LRP1B: variants seen among roughly 807,000 people sequenced by gnomAD.
The protein encoded by LRP1B is low-density lipoprotein receptor-related protein 1B.
Under a neutral mutation model 556.6 loss-of-function variants are expected in LRP1B, and 217 were observed. That is an observed-to-expected ratio of 0.39 (90% CI 0.35 to 0.44). The LOEUF (loss-of-function observed/expected upper bound fraction) is 0.44, where lower values mean the gene tolerates loss of function less well. LRP1B is among the 20% of genes least tolerant of loss of function. The pLI is 1.00. For missense variants in LRP1B, 5,053 were observed against 5,620.8 expected (o/e 0.90, Z 3.23); for synonymous variants, 2,047 against 1,865.8 (o/e 1.10, Z -2.50).
chr2:140,373,826 G>T (rs1683102118), intron 68 of LRP1B, among the ~76,000 whole-genome samples: 1 of 152,142 alleles, frequency 6.6e-6, no homozygotes, highest in Admixed American at 6.5e-5. Context: ...ACTACATCCA[G>T]TTTATTGGCT....
At chr2:141,111,052 C>T (rs1302027354) in intron 7 of LRP1B, among the ~76,000 whole-genome samples, 1 of 152,144 alleles carries the variant, frequency 6.6e-6, no homozygotes, top group Admixed American at 6.5e-5. Context: ...CAGCCAGTCA[C>T]CCCATGAAAT....
chr2:140,256,449 C>CTTTTTTTTTT (rs764826231), intron 86 of LRP1B, among the ~76,000 whole-genome samples: 2 of 25,292 alleles, frequency 7.9e-5, no homozygotes, highest in African/African-American at 1.3e-4. Flanking sequence ...TTTTTCCTTC[C>CTTTTTTTTTT]TTTTTTTTTT....
intron 3 of LRP1B, among the ~76,000 whole-genome samples, chr2:141,279,951 C>T (rs569307891): frequency 6.6e-6 from 1 of 152,048 alleles, no homozygotes; most frequent in Non-Finnish European, 1.5e-5. Flanking sequence ...TTTGTGGATG[C>T]AAACTTATAG....
chr2:141,368,620 A>G (rs1440140550), intron 3 of LRP1B, among the ~76,000 whole-genome samples: 1 of 152,178 alleles, frequency 6.6e-6, no homozygotes, highest in Non-Finnish European at 1.5e-5. Context: ...CTTTTATTCT[A>G]ATTTGTTTTG....
At chr2:141,339,981 T>C (rs1314026863) in intron 3 of LRP1B, among the ~76,000 whole-genome samples, 2 of 152,130 alleles carry the variant, frequency 1.3e-5, no homozygotes, top group Non-Finnish European at 2.9e-5. Context: ...TTCTCCTCTA[T>C]ATGTCTATGT....
intron 89 of LRP1B, among the ~76,000 whole-genome samples, chr2:140,235,315 A>G (rs1252348500): frequency 6.6e-6 from 1 of 151,214 alleles, no homozygotes; most frequent in African/African-American, 2.4e-5. Flanking sequence ...TGAACTAGAA[A>G]TTTTACCCTC....
At chr2:140,670,853 T>C (rs1375960993) in intron 41 of LRP1B, among the ~76,000 whole-genome samples, 1 of 152,148 alleles carries the variant, frequency 6.6e-6, no homozygotes, top group African/African-American at 2.4e-5. Flanking sequence ...CAATAAATAA[T>C]GCATGAGGTC....
chr2:141,021,950 T>TA (rs1198884003), intron 11 of LRP1B, among the ~76,000 whole-genome samples: 2 of 151,908 alleles, frequency 1.3e-5, no homozygotes, highest in Non-Finnish European at 2.9e-5. Flanking sequence ...TTATCAGGAT[T>TA]AAAAAATATT....
intron 7 of LRP1B, among the ~76,000 whole-genome samples, chr2:141,122,826 A>G (rs1343237262): frequency 6.6e-6 from 1 of 152,186 alleles, no homozygotes; most frequent in Non-Finnish European, 1.5e-5. Flanking sequence ...CACTATTCAC[A>G]ATAGCAAAGA....
At chr2:141,153,217 A>ATATATATATTATATATATAATT (rs1558896186) in intron 7 of LRP1B, among the ~76,000 whole-genome samples, 10 of 136,750 alleles carry the variant, frequency 7.3e-5, no homozygotes, top group Non-Finnish European at 6.1e-5. Context: ...TAGAAGGCAC[A>ATATATATATTATATATATAATT]TATATATATT....
In LRP1B at chr2:140,601,501, G is replaced by C. The variant is rs2105198425; in HGVS notation, c.6938C>G (p.Thr2313Ser). The change falls in exon 42 of 91, where the codon ACC becomes AGC. Residue 2313 changes from threonine (T) to serine (S), a missense_variant. By Grantham distance (58) the Thr-to-Ser change is moderately conservative. Transcript: ENST00000389484. ...PGAFDREAVI[T>S]MSEDDHPHVL... ...ATGTGGATGGTCATCTTCTGACATG[G>C]TGATGACAGCTTCCCTGTCAAATGC... The C allele has an allele frequency of 6.2e-7, 1 of 1,613,024 alleles. No individual in the cohort carries two copies. The highest frequency in any genetic ancestry group is 8.5e-7 in the Non-Finnish European group (1 of 1,179,352).
chr2:141,102,938 T>C lies in LRP1B; in HGVS notation c.1014-40665A>G, dbSNP rs1233607787. Reference sequence around the variant, plus strand: ...CAGCACCAATTGTGAATGCCAGCTATATTCTGATCCATTTCTGTTAATAAC... The same window carrying C: ...CAGCACCAATTGTGAATGCCAGCTACATTCTGATCCATTTCTGTTAATAAC... On this transcript the variant is annotated intron_variant, in intron 7 of 90. Coordinates refer to ENST00000389484, the MANE Select transcript of LRP1B (RefSeq NM_018557.3). Among the ~76,000 whole-genome samples the C allele has an allele frequency of 2.0e-5, 3 of 152,122 alleles. 1 individual carries two copies. In the East Asian group the frequency reaches 5.8e-4, roughly 29 times the overall value.
At chr2:141,459,649 A>T (rs1436844449) in intron 3 of LRP1B, among the ~76,000 whole-genome samples, 3 of 152,082 alleles carry the variant, frequency 2.0e-5, no homozygotes, top group Non-Finnish European at 2.9e-5. Context: ...GGTGACAGTG[A>T]CTAAGTCTCA....
At chr2:141,165,666 T>C (rs973924901) in intron 7 of LRP1B, among the ~76,000 whole-genome samples, 1 of 151,938 alleles carries the variant, frequency 6.6e-6, no homozygotes, top group African/African-American at 2.4e-5. Context: ...AAAGTATAAT[T>C]GAACCATTAA....
In LRP1B at chr2:141,226,133, C is replaced by A. The variant is rs7419980; in HGVS notation, c.850+3050G>T. 1.6e-3 allele frequency among the ~76,000 whole-genome samples: 224 copies of A among 141,532 alleles called. 1 individual carries two copies. Among genetic ancestry groups the A allele is most frequent in the African/African-American group, 5.2e-3 (209 of 39,824 alleles). The allele number at this position is 141,532 out of a possible 152,430, so 92.9% of individuals were successfully genotyped here. ...TCTCAATTTTCCCCCCCAAAAAAAACCAAAAGAATAATATCTCCCTGTTGC... is the reference window on the plus strand; with the variant it reads ...TCTCAATTTTCCCCCCCAAAAAAAAACAAAAGAATAATATCTCCCTGTTGC... On this transcript the variant is annotated intron_variant, in intron 6 of 90. Transcript: ENST00000389484.
intron 7 of LRP1B, among the ~76,000 whole-genome samples, chr2:141,153,938 T>C (rs1364877406): frequency 6.6e-6 from 1 of 151,562 alleles, no homozygotes; most frequent in African/African-American, 2.4e-5. Context: ...TGATTAACTA[T>C]TGTTATTTGT....
chr2:140,321,521 G>T (rs948670029), intron 82 of LRP1B, among the ~76,000 whole-genome samples: 1 of 151,904 alleles, frequency 6.6e-6, no homozygotes. Context: ...CAGAGAAGAA[G>T]CTAAAATTTG....
chr2:140,274,747 T>A, intron 84 of LRP1B, 149 bp from the exon 85 acceptor site: 3 of 571,294 alleles, frequency 5.3e-6, no homozygotes, highest in Non-Finnish European at 6.0e-6. Flanking sequence ...TGAAGTAGAA[T>A]TCTTTAATAA....
intron 47 of LRP1B, among the ~76,000 whole-genome samples, chr2:140,532,338 C>A (rs1333756769): frequency 1.3e-5 from 2 of 151,986 alleles, no homozygotes; most frequent in East Asian, 1.9e-4. Flanking sequence ...ACAAAATGCA[C>A]CTTCATGCCC....
Sources: allele counts gnomAD v4.1 joint callset (sites outside exome capture counted in the v4.1 genomes callset), GRCh38; gene constraint gnomAD v4.1.1; transcripts MANE v1.5; gene names NCBI Gene and HGNC (gene_info 2026-07-23, HGNC 2026-07-21).